Variants in IL2RB observed in about 807,000 individuals in gnomAD.
IL2RB encodes the protein interleukin-2 receptor subunit beta.
A neutral mutation model predicts 44.2 loss-of-function variants in IL2RB; 17 were observed. That is an observed-to-expected ratio of 0.38 (90% CI 0.26 to 0.58). IL2RB has a LOEUF of 0.58. Among genes scored for constraint, IL2RB ranks in the 20% least tolerant of loss-of-function variants. The pLI is 0.63. For missense variants in IL2RB, 624 were observed against 685.5 expected, an observed-to-expected ratio of 0.91 and a Z score of 1.00; for synonymous variants, 286 against 297.9, an observed-to-expected ratio of 0.96 and a Z score of 0.41.
intron 1 of IL2RB, among the ~76,000 whole-genome samples, chr22:37,146,257 C>T (rs1385775422): frequency 6.6e-5 from 10 of 152,214 alleles, no homozygotes; most frequent in Non-Finnish European, 1.5e-5. Flanking sequence ...CTCTCACCTG[C>T]CTTCCCTGAA....
intron 1 of IL2RB, among the ~76,000 whole-genome samples, chr22:37,148,574 C>A (rs530121009): frequency 1.8e-4 from 27 of 152,250 alleles, no homozygotes; most frequent in Middle Eastern, 6.8e-3. Context: ...AGCGGCTGAC[C>A]CCAGCCATCT....
intron 1 of IL2RB, among the ~76,000 whole-genome samples, chr22:37,158,659 A>G (rs5995388): frequency 0.31 from 47,913 of 152,164 alleles, 7,690 homozygotes; most frequent in African/African-American, 0.35. Context: ...ACGTGGGTGC[A>G]CCACTGCTCA....
chr22:37,156,946 T>TG (rs1922699744), intron 1 of IL2RB, among the ~76,000 whole-genome samples: 1 of 152,230 alleles, frequency 6.6e-6, no homozygotes, highest in East Asian at 1.9e-4. Flanking sequence ...ACCTGTCTTC[T>TG]GGAAAGTCAG....
intron 1 of IL2RB, among the ~76,000 whole-genome samples, chr22:37,164,675 C>G (rs192179612): frequency 6.6e-6 from 1 of 152,058 alleles, no homozygotes; most frequent in Non-Finnish European, 1.5e-5. Context: ...GAATGCAGAC[C>G]ACCAAGGAGG....
At chr22:37,172,953 TC>T (rs1923339027) in intron 1 of IL2RB, among the ~76,000 whole-genome samples, 1 of 152,030 alleles carries the variant, frequency 6.6e-6, no homozygotes, top group African/African-American at 2.4e-5. Context: ...CTCTGAGAAG[TC>T]ATAGCTCAGG....
At chr22:37,137,835 CT>C in intron 5 of IL2RB, 100 bp from the exon 6 acceptor site, 1 of 1,082,144 alleles carries the variant, frequency 9.2e-7, no homozygotes, top group Non-Finnish European at 1.4e-6. Context: ...ACCACCTCCC[CT>C]ACCCCCCGAC....
intron 3 of IL2RB, among the ~76,000 whole-genome samples, chr22:37,143,188 C>A (rs1922050869): frequency 6.6e-6 from 1 of 152,154 alleles, no homozygotes; most frequent in Non-Finnish European, 1.5e-5. Flanking sequence ...TTTCTCCCCA[C>A]TTCCTCTCTG....
chr22:37,137,158 C>T (rs909032074), intron 6 of IL2RB, among the ~76,000 whole-genome samples: 5 of 152,220 alleles, frequency 3.3e-5, no homozygotes, highest in African/African-American at 9.6e-5. Context: ...CATCATTCAG[C>T]GCATAGTAGG....
At chr22:37,156,488 G>C (rs1249116979) in intron 1 of IL2RB, among the ~76,000 whole-genome samples, 1 of 152,192 alleles carries the variant, frequency 6.6e-6, no homozygotes, top group Non-Finnish European at 1.5e-5. Context: ...AATCTGGCTT[G>C]CTACTAGGGT....
chr22:37,132,402 C>T lies in IL2RB; in HGVS notation c.885G>A (p.Glu295=). The T allele has an allele frequency of 6.2e-7, 1 of 1,614,122 alleles. No individual in the cohort carries two copies. The highest frequency in any genetic ancestry group is 1.1e-5 in the South Asian group (1 of 91,066). The change falls in exon 9 of 10, where the codon GAG becomes GAA. Residue 295 remains glutamate (E), a synonymous_variant. Coordinates refer to ENST00000216223, the MANE Select transcript of IL2RB (RefSeq NM_000878.5). ...PSKFFSQLSS[E]HGGDVQKWLS... is the part of the protein sequence containing the mutation. ...CTCCTACCTGGACGTCTCCTCCATG[C>T]TCTGAGCTCAGCTGGGAAAAGAACT...
In IL2RB at chr22:37,149,912, GC is replaced by G. The variant is rs1219962169; in HGVS notation, c.-122del. On this transcript the variant is annotated 5_prime_UTR_variant, in exon 1 of 10. Transcript: ENST00000216223. ...GGCCATCTCTCCAGGGCCCTGCTGA[GC>G]TCTGGCTGCTGGGGCCGCAAAGACT... 3.7e-5 allele frequency: 36 copies of G among 985,440 alleles called. 1 individual carries two copies. Among genetic ancestry groups the G allele is most frequent in the Non-Finnish European group, 3.7e-5 (31 of 830,070 alleles). 61.0% of individuals were successfully genotyped at this position (985,440 alleles called of 1,614,324 possible).
intron 1 of IL2RB, among the ~76,000 whole-genome samples, chr22:37,161,393 G>A (rs1205548865): frequency 6.6e-6 from 1 of 152,136 alleles, no homozygotes; most frequent in Non-Finnish European, 1.5e-5. Context: ...TCTTTCTTGT[G>A]TTGGAGTTAT....
intron 1 of IL2RB, among the ~76,000 whole-genome samples, chr22:37,167,842 A>ATGCATTCAAAC (rs1295236716): frequency 6.6e-6 from 1 of 152,046 alleles, no homozygotes; most frequent in Non-Finnish European, 1.5e-5. Context: ...TGTGTGACAA[A>ATGCATTCAAAC]TGCATTCAAA....
At chr22:37,145,721 A>AG (rs1296168148) in intron 1 of IL2RB, among the ~76,000 whole-genome samples, 8 of 152,002 alleles carry the variant, frequency 5.3e-5, no homozygotes, top group African/African-American at 1.9e-4. Context: ...TCAGAGGGGC[A>AG]GGGGGAGAGG....
At chr22:37,134,589 G>C (rs3218310) in intron 8 of IL2RB, among the ~76,000 whole-genome samples, 2,698 of 152,272 alleles carry the variant, frequency 0.018, 75 homozygotes, top group African/African-American at 0.062. Context: ...CTAGGTGACA[G>C]AGTGAGACTC....
intron 6 of IL2RB, 78 bp from the exon 7 acceptor site, chr22:37,136,471 C>CCCA (rs1405638487): frequency 6.9e-7 from 1 of 1,444,678 alleles, no homozygotes; most frequent in African/African-American, 1.4e-5. Flanking sequence ...ACAGAACCCC[C>CCCA]CCCCAACCCC....
chr22:37,141,650 C>T lies in IL2RB; in HGVS notation c.282+784G>A, dbSNP rs925773340. 3.3e-5 allele frequency among the ~76,000 whole-genome samples: 5 copies of T among 152,206 alleles called. No individual in the cohort carries two copies. The highest frequency in any genetic ancestry group is 1.2e-4 in the African/African-American group (5 of 41,448). ...CCTCCTCCTGCTCCAGTGCCCACTC[C>T]AATCTCAGAGCGGGACCAAGCCCAG... On this transcript the variant is annotated intron_variant, in intron 4 of 9. Coordinates refer to ENST00000216223, the MANE Select transcript of IL2RB (RefSeq NM_000878.5). This position sits in a 1 kb window ranked among gnomAD's most constrained non-coding sequence, Gnocchi z 4.4.
At chr22:37,135,106 G>A (rs1231965002) in intron 8 of IL2RB, among the ~76,000 whole-genome samples, 1 of 152,200 alleles carries the variant, frequency 6.6e-6, no homozygotes, top group Non-Finnish European at 1.5e-5. Flanking sequence ...CACAGGGAAA[G>A]GCCAGGTTTT....
At chr22:37,161,585 T>G (rs1026967687) in intron 1 of IL2RB, among the ~76,000 whole-genome samples, 1 of 120,330 alleles carries the variant, frequency 8.3e-6, no homozygotes, top group Non-Finnish European at 1.8e-5. Flanking sequence ...GCTCCAGACC[T>G]CAGGCGGGGA....
Sources: allele counts gnomAD v4.1 joint callset (sites outside exome capture counted in the v4.1 genomes callset), GRCh38; gene constraint gnomAD v4.1.1; non-coding constraint Gnocchi (gnomAD v3.1); transcripts MANE v1.5; gene names NCBI Gene and HGNC (gene_info 2026-07-23, HGNC 2026-07-21).